INSYN1: variants seen among roughly 807,000 people sequenced by gnomAD.
INSYN1 encodes the protein UPF0583 protein C15orf59.
Under a neutral mutation model 17.1 loss-of-function variants are expected in INSYN1, and 7 were observed. The ratio of observed to expected loss-of-function variants is 0.41; its 90% CI spans 0.23 to 0.77. The LOEUF is 0.77. INSYN1 is among the 30% of genes least tolerant of loss of function. INSYN1 has a pLI of 0.32. For missense variants in INSYN1, 339 were observed against 400.6 expected (o/e 0.85, Z 1.31); for synonymous variants, 174 against 166.3 (o/e 1.05, Z -0.36).
At chr15:73,740,787 C>A in intron 2 of INSYN1, 145 bp from the exon 3 acceptor site, 1 of 725,574 alleles carries the variant, frequency 1.4e-6, no homozygotes. Flanking sequence ...GGTGACTGGC[C>A]TGGAGGTCAC....
chr15:73,748,501 G>A (rs1370273178), intron 2 of INSYN1, among the ~76,000 whole-genome samples: 1 of 152,108 alleles, frequency 6.6e-6, no homozygotes, highest in Non-Finnish European at 1.5e-5. Flanking sequence ...CATGGGGTGA[G>A]GTGAGGGAAC....
intron 2 of INSYN1, among the ~76,000 whole-genome samples, chr15:73,743,546 G>A (rs1480794251): frequency 6.6e-6 from 1 of 152,084 alleles, no homozygotes; most frequent in Non-Finnish European, 1.5e-5. Flanking sequence ...TGGGCCGGGT[G>A]TGGTGGCTCA....
rs1203351090 is a variant in INSYN1 at position 73,735,925 on chromosome 15, A to G, written c.*3992T>C. ...AGTGCCTAGCACGTGCCCAGTGGAC[A>G]TGAGTTATTCATCATGCTATGACTT... is the stretch of plus-strand genomic sequence containing the variant. On this transcript the variant is annotated 3_prime_UTR_variant, in exon 3 of 3. Coordinates refer to ENST00000569673, the MANE Select transcript of INSYN1 (RefSeq NM_001039614.3). 3.3e-5 allele frequency: 5 copies of G among 152,420 alleles called. No individual in the cohort carries two copies. The highest frequency in any genetic ancestry group is 1.2e-4 in the African/African-American group (5 of 41,468). The allele number at this position is 152,420 out of a possible 1,614,324, so 9.4% of individuals were successfully genotyped here. A position where few individuals can be genotyped will look rare whatever the true frequency, so the allele number is the denominator to read the frequency against.
rs533947857 is a variant in INSYN1 at position 73,736,005 on chromosome 15, C to T, written c.*3912G>A. The T allele has an allele frequency of 6.6e-6, 1 of 152,414 alleles. No homozygotes were observed. Among genetic ancestry groups the T allele is most frequent in the South Asian group, 2.1e-4 (1 of 4,824 alleles). 9.4% of individuals were successfully genotyped at this position (152,414 alleles called of 1,614,324 possible). A position where few individuals can be genotyped will look rare whatever the true frequency, so the allele number is the denominator to read the frequency against. On this transcript the variant is annotated 3_prime_UTR_variant, in exon 3 of 3. Coordinates refer to ENST00000569673, the MANE Select transcript of INSYN1 (RefSeq NM_001039614.3). ...TGCCCCTCCACAGCACCACTCAGCA[C>T]AAGCCTGTGCACACAGTAGGTGGTC... is the stretch of plus-strand genomic sequence containing the variant.
intron 2 of INSYN1, among the ~76,000 whole-genome samples, chr15:73,748,299 G>T (rs1901890565): frequency 6.6e-6 from 1 of 152,188 alleles, no homozygotes; most frequent in Non-Finnish European, 1.5e-5. Flanking sequence ...AAGGGGAGCA[G>T]CAGGCAGAGG....
At chr15:73,749,817 C>G (rs1387652874) in intron 2 of INSYN1, among the ~76,000 whole-genome samples, 3 of 152,202 alleles carry the variant, frequency 2.0e-5, no homozygotes, top group Admixed American at 2.0e-4. Context: ...TGACCCTGGA[C>G]AGCTCTTGTC....
chr15:73,735,689 A>G lies in INSYN1; in HGVS notation c.*4228T>C, dbSNP rs906737247. ...CACCCACTCCAGGCATTTTAACTGC[A>G]GTGGATGTTTGCAGTAGATGATGCT... On this transcript the variant is annotated 3_prime_UTR_variant, in exon 3 of 3. Transcript: ENST00000569673. 1 of 152,140 alleles carries G rather than the reference A, an allele frequency of 6.6e-6. No homozygotes were observed. The highest frequency in any genetic ancestry group is 2.1e-4 in the South Asian group (1 of 4,830). The allele number at this position is 152,140 out of a possible 1,614,324, so 9.4% of individuals were successfully genotyped here.
At position 73,738,293 on chromosome 15, in the gene INSYN1, G is replaced by A. The variant is rs1394171563; in HGVS notation, c.*1624C>T. ...CTGCTAGCTAGCAGAGCCAGGCACA[G>A]CCTGGAAATCACTAATTCTTGGGGG... On this transcript the variant is annotated 3_prime_UTR_variant, in exon 3 of 3. Coordinates refer to ENST00000569673, the MANE Select transcript of INSYN1 (RefSeq NM_001039614.3). 1 of 152,398 alleles carries A rather than the reference G, an allele frequency of 6.6e-6. No individual in the cohort carries two copies. The highest frequency in any genetic ancestry group is 2.4e-5 in the African/African-American group (1 of 41,480). The allele number at this position is 152,398 out of a possible 1,614,324, so 9.4% of individuals were successfully genotyped here.
At position 73,736,275 on chromosome 15, in the gene INSYN1, C is replaced by T. The variant is rs1190850990; in HGVS notation, c.*3642G>A. The T allele has an allele frequency of 1.3e-5, 2 of 152,340 alleles. No individual in the cohort carries two copies. The highest frequency in any genetic ancestry group is 3.8e-4 in the East Asian group (2 of 5,200). 9.4% of individuals were successfully genotyped at this position (152,340 alleles called of 1,614,324 possible). On this transcript the variant is annotated 3_prime_UTR_variant, in exon 3 of 3. Coordinates refer to ENST00000569673, the MANE Select transcript of INSYN1 (RefSeq NM_001039614.3). ...AATTCTCTCTATCCCTAGCTGGCCACATTTTGTGTTTCAAGTCTGAAGAAG... is the reference window on the plus strand; with the variant it reads ...AATTCTCTCTATCCCTAGCTGGCCATATTTTGTGTTTCAAGTCTGAAGAAG...
chr15:73,740,945 C>T (rs1219775996), intron 2 of INSYN1, among the ~76,000 whole-genome samples: 1 of 152,232 alleles, frequency 6.6e-6, no homozygotes, highest in Non-Finnish European at 1.5e-5. Flanking sequence ...TTCACTCACC[C>T]CTGTCTCTCA....
intron 2 of INSYN1, among the ~76,000 whole-genome samples, chr15:73,745,835 C>CAAAACA (rs1901812775): frequency 6.6e-6 from 1 of 152,078 alleles, no homozygotes; most frequent in Non-Finnish European, 1.5e-5. Flanking sequence ...CAAAACAAAA[C>CAAAACA]AAAAAAACTG....
Position 73,751,454 on chromosome 15 carries a change from C to T in INSYN1, c.-324G>A. On this transcript the variant is annotated 5_prime_UTR_variant, in exon 2 of 3. Transcript: ENST00000569673. ...GTGCCTGTGGGTGTGCAGAGCTGAT[C>T]TCTGCCTGAGCTTGAACACAGAGGC... The T allele has an allele frequency of 2.7e-6, 1 of 364,524 alleles. No individual in the cohort carries two copies. The highest frequency in any genetic ancestry group is 3.3e-5 in the South Asian group (1 of 30,390). The allele number at this position is 364,524 out of a possible 1,614,324, so 22.6% of individuals were successfully genotyped here.
chr15:73,742,317 C>T lies in INSYN1; in HGVS notation c.157-1675G>A, dbSNP rs557804457. Among the ~76,000 whole-genome samples, 7 of 152,274 alleles carry T rather than the reference C, an allele frequency of 4.6e-5. No individual in the cohort carries two copies. The South Asian group carries it at 1.2e-3, about 27-fold the overall frequency. On this transcript the variant is annotated intron_variant, in intron 2 of 2. Transcript: ENST00000569673. The stretch of plus-strand genomic sequence containing the variant: ...AACCTCTCTGGACCTCAACCTCATT[C>T]ACCTCCAAGTGGGTATGACAATCCC...
Position 73,751,097 on chromosome 15 carries a change from G to A in INSYN1, c.34C>T (p.Pro12Ser). The change falls in exon 2 of 3, where the codon CCC becomes TCC. Residue 12 changes from proline (P) to serine (S), a missense_variant. By Grantham distance (74) the Pro-to-Ser change is moderately conservative. Transcript: ENST00000569673. ...CCACCACTGCTGGGGTCGTCACTGG[G>A]CTGCCCGAGGTCCGGGGCGCCCCGA... ...NIRGAPDLGQ[P>S]SDDPSSGGER... is the part of the protein sequence containing the mutation. 1 of 1,613,940 alleles carries A rather than the reference G, an allele frequency of 6.2e-7. No homozygotes were observed. The highest frequency in any genetic ancestry group is 1.3e-5 in the African/African-American group (1 of 75,036).
Position 73,738,090 on chromosome 15 carries a change from T to C in INSYN1, c.*1827A>G, listed in dbSNP as rs1901579545. The C allele has an allele frequency of 6.6e-6, 1 of 152,250 alleles. No homozygotes were observed. Among genetic ancestry groups the C allele is most frequent in the African/African-American group, 2.4e-5 (1 of 41,442 alleles). 9.4% of individuals were successfully genotyped at this position (152,250 alleles called of 1,614,324 possible). A position where few individuals can be genotyped will look rare whatever the true frequency, so the allele number is the denominator to read the frequency against. On this transcript the variant is annotated 3_prime_UTR_variant, in exon 3 of 3. Transcript: ENST00000569673. The stretch of plus-strand genomic sequence containing the variant: ...CCCTGGAAATCACTGGACATCTGGG[T>C]TGAGGCCACACTGACCACAAGGCAT...
At position 73,753,306 on chromosome 15, in the gene INSYN1, C is replaced by T. The variant is rs1252349457; in HGVS notation, c.-1764G>A. Reference sequence around the variant, plus strand: ...GGCGCTGGCTCCCTTAAAGGCCGCCCGGCTCGCTTGGCTCCGCTTGCCTCG... The same window carrying T: ...GGCGCTGGCTCCCTTAAAGGCCGCCTGGCTCGCTTGGCTCCGCTTGCCTCG... On this transcript the variant is annotated 5_prime_UTR_variant, in exon 1 of 3. Transcript: ENST00000569673. This position sits in a 1 kb window ranked among gnomAD's most constrained non-coding sequence, Gnocchi z 4.2. 1.3e-5 allele frequency among the ~76,000 whole-genome samples: 2 copies of T among 150,698 alleles called. No homozygotes were observed. The highest frequency in any genetic ancestry group is 2.4e-5 in the African/African-American group (1 of 41,198).
intron 2 of INSYN1, among the ~76,000 whole-genome samples, chr15:73,743,344 C>T (rs1901735810): frequency 6.6e-6 from 1 of 152,226 alleles, no homozygotes; most frequent in African/African-American, 2.4e-5. Flanking sequence ...TAGTACACTC[C>T]TCTCTGGTTC....
Position 73,752,497 on chromosome 15 carries a change from C to T in INSYN1, c.-955G>A. The stretch of plus-strand genomic sequence containing the variant: ...GGCGCCGGGATCCCCTCAGCCCACG[C>T]CCGGCATTCCCCGGGCTCTGCACCG... On this transcript the variant is annotated 5_prime_UTR_variant, in exon 1 of 3. Transcript: ENST00000569673. This position sits in a 1 kb window ranked among gnomAD's most constrained non-coding sequence, Gnocchi z 5.2. 6.6e-6 allele frequency: 1 copy of T among 152,216 alleles called. No individual in the cohort carries two copies. Among genetic ancestry groups the T allele is most frequent in the Non-Finnish European group, 1.5e-5 (1 of 68,096 alleles). The allele number at this position is 152,216 out of a possible 1,614,324, so 9.4% of individuals were successfully genotyped here.
rs1901544133 is a variant in INSYN1 at position 73,736,914 on chromosome 15, CAAA to C, written c.*3000_*3002del. ...CCATCTAAAAAAAAACAAAACAAAA[CAAA>C]AACAAGAAAAAGGAAGCCACAGGGA... On this transcript the variant is annotated 3_prime_UTR_variant, in exon 3 of 3. Transcript: ENST00000569673. 6.5e-6 allele frequency: 1 copy of C among 152,692 alleles called. No individual in the cohort carries two copies. 9.5% of individuals were successfully genotyped at this position (152,692 alleles called of 1,614,324 possible).
Sources: allele counts gnomAD v4.1 joint callset (sites outside exome capture counted in the v4.1 genomes callset), GRCh38; gene constraint gnomAD v4.1.1; non-coding constraint Gnocchi (gnomAD v3.1); transcripts MANE v1.5; gene names NCBI Gene and HGNC (gene_info 2026-07-23, HGNC 2026-07-21).